The following DOCK3 variants were observed in gnomAD, a reference collection of about 807,000 sequenced individuals.
DOCK3 encodes dedicator of cytokinesis protein 3.
DOCK3 carries 60 observed loss-of-function variants against 265.6 expected under a neutral mutation model. That is an observed-to-expected ratio of 0.23 (90% CI 0.18 to 0.28). DOCK3 has a LOEUF of 0.28. Ranked by LOEUF, DOCK3 falls within the 10% of genes least tolerant of loss-of-function variation. DOCK3 has a pLI of 1.00. For synonymous variants in DOCK3, 881 were observed against 938.0 expected, an observed-to-expected ratio of 0.94 and a Z score of 1.11; for missense variants, 1,981 against 2,594.3, an observed-to-expected ratio of 0.76 and a Z score of 5.14.
At chr3:51,378,128 A>C (rs978454900) in intron 51 of DOCK3, among the ~76,000 whole-genome samples, 9 of 152,148 alleles carry the variant, frequency 5.9e-5, no homozygotes, top group African/African-American at 2.2e-4. Context: ...CAGATGCAGA[A>C]TTCTTTCCTC....
chr3:51,257,034 G>A (rs1211007341), intron 22 of DOCK3, among the ~76,000 whole-genome samples: 2 of 152,264 alleles, frequency 1.3e-5, no homozygotes, highest in Non-Finnish European at 2.9e-5. Context: ...GATCAGCTGA[G>A]TTGATGGCAA....
intron 27 of DOCK3, among the ~76,000 whole-genome samples, chr3:51,289,305 A>G (rs914654684): frequency 5.9e-5 from 9 of 152,170 alleles, no homozygotes; most frequent in Non-Finnish European, 1.2e-4. Context: ...GAGGAGGGGA[A>G]TTAAAGTATA....
intron 1 of DOCK3, among the ~76,000 whole-genome samples, chr3:50,771,376 C>T (rs759227316): frequency 6.6e-6 from 1 of 152,114 alleles, no homozygotes; most frequent in Non-Finnish European, 1.5e-5. Flanking sequence ...CAGAGAAATA[C>T]AAATGAGACC....
At chr3:50,914,649 A>T (rs904552796) in intron 4 of DOCK3, among the ~76,000 whole-genome samples, 3 of 152,138 alleles carry the variant, frequency 2.0e-5, no homozygotes, top group Non-Finnish European at 2.9e-5. Context: ...TGCTGATGAT[A>T]TGAATGTTTA....
At chr3:50,783,117 G>T (rs777843317) in intron 2 of DOCK3, among the ~76,000 whole-genome samples, 1 of 151,958 alleles carries the variant, frequency 6.6e-6, no homozygotes, top group Non-Finnish European at 1.5e-5. Flanking sequence ...TTGCAGTTGC[G>T]AATTGTGCTG....
chr3:50,937,202 G>C (rs2051416604), intron 5 of DOCK3, among the ~76,000 whole-genome samples: 1 of 151,518 alleles, frequency 6.6e-6, no homozygotes, highest in African/African-American at 2.4e-5. Context: ...ACTTGAACCT[G>C]GGAGGCGGAG....
At chr3:50,863,238 T>C (rs1236658331) in intron 3 of DOCK3, among the ~76,000 whole-genome samples, 2 of 152,120 alleles carry the variant, frequency 1.3e-5, no homozygotes, top group Non-Finnish European at 2.9e-5. Context: ...GTGCTGTGAC[T>C]CAAGGGCAGA....
At chr3:50,837,562 C>T (rs1257144394) in intron 2 of DOCK3, among the ~76,000 whole-genome samples, 1 of 152,160 alleles carries the variant, frequency 6.6e-6, no homozygotes, top group African/African-American at 2.4e-5. Flanking sequence ...GGGTCCCTCC[C>T]TCAGCATGTG....
intron 5 of DOCK3, among the ~76,000 whole-genome samples, chr3:51,061,263 G>A (rs556296311): frequency 3.3e-5 from 5 of 152,218 alleles, no homozygotes; most frequent in East Asian, 1.9e-4. Context: ...ACATACACAC[G>A]TGTGTTTATT....
At chr3:51,190,750 A>G (rs570821342) in intron 12 of DOCK3, among the ~76,000 whole-genome samples, 32 of 152,196 alleles carry the variant, frequency 2.1e-4, no homozygotes, top group African/African-American at 7.5e-4. Context: ...GAGCTCCCAA[A>G]AGTTTCTGTT....
chr3:51,255,295 G>C lies in DOCK3; in HGVS notation c.2185-4861G>C, dbSNP rs138538697. 1.2e-3 allele frequency among the ~76,000 whole-genome samples: 188 copies of C among 152,178 alleles called. 2 individuals carry two copies. Among genetic ancestry groups the C allele is most frequent in the Non-Finnish European group, 1.2e-3 (82 of 67,984 alleles). On this transcript the variant is annotated intron_variant, in intron 22 of 52. Coordinates refer to ENST00000266037, the MANE Select transcript of DOCK3 (RefSeq NM_004947.5). ...CCCAGTCTTTCTCTCTGGCTGCCCT[G>C]AACAGTGTTTCCTTCATTTCACCTT... is the stretch of plus-strand genomic sequence containing the variant.
intron 27 of DOCK3, among the ~76,000 whole-genome samples, chr3:51,305,752 G>T (rs1462844524): frequency 2.0e-5 from 3 of 148,660 alleles, no homozygotes; most frequent in African/African-American, 5.0e-5. Context: ...GTGTGTGTGT[G>T]TGTGTGTGTT....
intron 1 of DOCK3, among the ~76,000 whole-genome samples, chr3:50,721,229 T>G (rs1032877172): frequency 2.6e-5 from 4 of 152,072 alleles, no homozygotes; most frequent in African/African-American, 9.7e-5. Flanking sequence ...GTTTTTGTTT[T>G]GTTGCAGTTG....
intron 1 of DOCK3, among the ~76,000 whole-genome samples, chr3:50,715,469 T>G (rs973371730): frequency 2.0e-4 from 30 of 152,208 alleles, no homozygotes; most frequent in Admixed American, 6.5e-5. Context: ...GAGGATCACT[T>G]GAGCCTTGGA....
chr3:51,358,021 C>A lies in DOCK3; in HGVS notation c.4828C>A (p.Pro1610Thr). 3 of 1,614,008 alleles carry A rather than the reference C, an allele frequency of 1.9e-6. No homozygotes were observed. Among genetic ancestry groups the A allele is most frequent in the Non-Finnish European group, 2.5e-6 (3 of 1,179,898 alleles). Reference sequence around the variant, plus strand: ...GAAGTTTGTGCACCCAGAAATGCGGCCTCTGCATAAGAAGCTAATTGATCA... The same window carrying A: ...GAAGTTTGTGCACCCAGAAATGCGGACTCTGCATAAGAAGCTAATTGATCA... ...HEKFVHPEMR[P>T]LHKKLIDQFQ... Residue 1610 changes from proline (P) to threonine (T), a missense_variant, in exon 46 of 53, where the codon CCT (proline) becomes ACT (threonine). Coordinates refer to ENST00000266037, the MANE Select transcript of DOCK3 (RefSeq NM_004947.5).
At position 51,307,468 on chromosome 3, in the gene DOCK3, A is replaced by G. The variant is rs181462793; in HGVS notation, c.2923-2764A>G. On this transcript the variant is annotated intron_variant, in intron 27 of 52. Transcript: ENST00000266037. ...ACTATATGCAGTCACTAAAGTCTCC[A>G]TGCAGTTAGTTAATGATCAGCTAAT... Among the ~76,000 whole-genome samples, 110 of 152,284 alleles carry G rather than the reference A, an allele frequency of 7.2e-4. 1 individual carries two copies. The East Asian group carries it at 0.02, about 27-fold the overall frequency.
chr3:51,134,169 C>T (rs1431476036), intron 9 of DOCK3, among the ~76,000 whole-genome samples: 2 of 152,106 alleles, frequency 1.3e-5, no homozygotes, highest in East Asian at 3.9e-4. Flanking sequence ...TTTTCTTTAT[C>T]CAGTCTACCA....
Position 51,174,383 on chromosome 3 carries a change from C to T in DOCK3, c.1037+13681C>T, listed in dbSNP as rs530808535. ...ACTTGGCAGGCTGAGGCATGAGAAT[C>T]ACTTGAACGCAGGAGGCGAAGGTTG... On this transcript the variant is annotated intron_variant, in intron 12 of 52. Transcript: ENST00000266037. 1.1e-4 allele frequency among the ~76,000 whole-genome samples: 16 copies of T among 152,286 alleles called. 1 individual carries two copies. The South Asian group carries it at 3.3e-3, about 32-fold the overall frequency.
intron 3 of DOCK3, among the ~76,000 whole-genome samples, chr3:50,868,409 G>A (rs1575402896): frequency 6.6e-6 from 1 of 152,010 alleles, no homozygotes; most frequent in African/African-American, 2.4e-5. Flanking sequence ...ATCTCACTCT[G>A]TCATCCATTC....
Sources: allele counts gnomAD v4.1 joint callset (sites outside exome capture counted in the v4.1 genomes callset), GRCh38; gene constraint gnomAD v4.1.1; transcripts MANE v1.5; gene names NCBI Gene and HGNC (gene_info 2026-07-23, HGNC 2026-07-21).